The following CPLANE1 variants were observed in gnomAD, a reference collection of about 807,000 sequenced individuals.
The protein encoded by CPLANE1 is ciliogenesis and planar polarity effector complex subunit 1.
A neutral mutation model predicts 362.5 loss-of-function variants in CPLANE1; 263 were observed. That is an observed-to-expected ratio of 0.73 (90% CI 0.66 to 0.80). The LOEUF (loss-of-function observed/expected upper bound fraction) is 0.80. CPLANE1 is among the 30% of genes least tolerant of loss of function. CPLANE1 has a pLI of 0.00. For synonymous variants in CPLANE1, 1,212 were observed against 1,302.6 expected, an observed-to-expected ratio of 0.93 and a Z score of 1.50; for missense variants, 3,461 against 3,793.4, an observed-to-expected ratio of 0.91 and a Z score of 2.30.
intron 43 of CPLANE1, among the ~76,000 whole-genome samples, chr5:37,144,667 C>A (rs1770966840): frequency 6.7e-6 from 1 of 150,024 alleles, no homozygotes; most frequent in Non-Finnish European, 1.5e-5. Context: ...CTGGCTAACA[C>A]AGGGAAACCA....
intron 46 of CPLANE1, among the ~76,000 whole-genome samples, chr5:37,135,063 G>A (rs185421678): frequency 1.8e-4 from 27 of 152,276 alleles, no homozygotes; most frequent in African/African-American, 6.3e-4. Flanking sequence ...AAAGTGCTGG[G>A]ATTACAGATG....
intron 16 of CPLANE1, chr5:37,210,863 C>T (rs183280051): frequency 1.5e-4 from 122 of 814,268 alleles, no homozygotes; most frequent in Admixed American, 3.8e-4. Context: ...ATGAGGAGTT[C>T]GAAAGCCGCA....
intron 14 of CPLANE1, among the ~76,000 whole-genome samples, chr5:37,222,253 A>G (rs1421149589): frequency 6.6e-6 from 1 of 152,210 alleles, no homozygotes; most frequent in East Asian, 1.9e-4. Flanking sequence ...CATTGTATGC[A>G]ATTTCCAGAA....
chr5:37,243,447 G>A (rs1040828549), intron 5 of CPLANE1, among the ~76,000 whole-genome samples: 6 of 151,682 alleles, frequency 4.0e-5, no homozygotes, highest in African/African-American at 1.5e-4. Context: ...AGAGTGGGGA[G>A]AGGGGACAAT....
In CPLANE1 at chr5:37,148,180, C is replaced by A. The variant is rs1561405215; in HGVS notation, c.8461+1G>T. 1 of 1,611,288 alleles carries A rather than the reference C, an allele frequency of 6.2e-7. No homozygotes were observed. Among genetic ancestry groups the A allele is most frequent in the Non-Finnish European group, 8.5e-7 (1 of 1,178,144 alleles). On this transcript the variant is annotated splice_donor_variant, in intron 43 of 52. Transcript: ENST00000651892. LOFTEE classifies it high-confidence loss of function. ...GCCAGCCCCTATCAGCCCCTACAAA[C>A]CTTCTTCAGAAATGCTAATGGTTTT...
chr5:37,244,702 CAAAT>C (rs1738922043), intron 4 of CPLANE1, 95 bp from the exon 5 acceptor site: 1 of 762,134 alleles, frequency 1.3e-6, no homozygotes, highest in Non-Finnish European at 2.1e-6. Flanking sequence ...AAAAAAAAAA[CAAAT>C]AATGTTACCA....
At chr5:37,128,741 C>T (rs1764931678) in intron 46 of CPLANE1, among the ~76,000 whole-genome samples, 1 of 151,946 alleles carries the variant, frequency 6.6e-6, no homozygotes, top group Admixed American at 6.6e-5. Flanking sequence ...GACCTGTAAT[C>T]CCAGCTACTA....
chr5:37,102,701 C>T (rs1757351727), downstream of CPLANE1, among the ~76,000 whole-genome samples: 1 of 152,064 alleles, frequency 6.6e-6, no homozygotes, highest in Admixed American at 6.6e-5. Context: ...GTTCAATTTC[C>T]ATGTAGTTGT....
intron 6 of CPLANE1, among the ~76,000 whole-genome samples, chr5:37,242,143 C>T (rs1157729004): frequency 2.0e-5 from 3 of 151,890 alleles, no homozygotes; most frequent in African/African-American, 7.3e-5. Context: ...ATCACAAGGT[C>T]AGTAGTTCAA....
chr5:37,170,183 T>C lies in CPLANE1; in HGVS notation c.6320A>G (p.Glu2107Gly). The change falls in exon 33 of 53, where the codon GAA (glutamate) becomes GGA (glycine). Residue 2107 changes from glutamate (E) to glycine (G), a missense_variant. This residue lies in a region of CPLANE1 where 3,380 missense variants were observed against 3,666.1 expected (regional missense o/e 0.92). Transcript: ENST00000651892. ...CTCCTTAAGATTTTTGTTGCTGTCTTCAACATCACCACATCCTCTTAGGTT... is the reference window on the plus strand; with the variant it reads ...CTCCTTAAGATTTTTGTTGCTGTCTCCAACATCACCACATCCTCTTAGGTT... Reference protein sequence around the residue: ...ESNLRGCGDVEDSNKNLKERF... With the variant: ...ESNLRGCGDVGDSNKNLKERF... The C allele has an allele frequency of 6.2e-7, 1 of 1,614,178 alleles. No homozygotes were observed. Among genetic ancestry groups the C allele is most frequent in the Non-Finnish European group, 8.5e-7 (1 of 1,180,034 alleles).
Position 37,177,661 on chromosome 5 carries a change from G to A in CPLANE1, c.5860C>T (p.Leu1954=). Residue 1954 remains leucine, a synonymous_variant, in exon 30 of 53, where the codon CTG becomes TTG. Transcript: ENST00000651892. ...EEVQCQREEP[L]ETIMEEKSTE... Reference sequence around the variant, plus strand: ...GATTTTTCCTCCATAATTGTCTCCAGTGGTTCTTCCCTTTGACACTGAACC... The same window carrying A: ...GATTTTTCCTCCATAATTGTCTCCAATGGTTCTTCCCTTTGACACTGAACC... The A allele has an allele frequency of 6.2e-7, 1 of 1,613,832 alleles. No homozygotes were observed. Among genetic ancestry groups the A allele is most frequent in the Non-Finnish European group, 8.5e-7 (1 of 1,179,850 alleles).
intron 32 of CPLANE1, among the ~76,000 whole-genome samples, chr5:37,171,786 A>G (rs868067431): frequency 1.2e-5 from 1 of 80,984 alleles, no homozygotes; most frequent in African/African-American, 4.6e-5. Flanking sequence ...CTCTCTCTCT[A>G]TCTATCTATT....
At chr5:37,231,327 C>A (rs1361634011) in intron 8 of CPLANE1, among the ~76,000 whole-genome samples, 1 of 152,166 alleles carries the variant, frequency 6.6e-6, no homozygotes, top group African/African-American at 2.4e-5. Context: ...AGCCTGTAAT[C>A]CCAGCACTTT....
chr5:37,125,405 G>A lies in CPLANE1; in HGVS notation c.8797C>T (p.Gln2933Ter), dbSNP rs760841610. 6.2e-7 allele frequency: 1 copy of A among 1,611,438 alleles called. No individual in the cohort carries two copies. Among genetic ancestry groups the A allele is most frequent in the South Asian group, 1.1e-5 (1 of 90,596 alleles). ...TEQAMGTSRI[Q>*]HYSGRHSQRT... Reference sequence around the variant, plus strand: ...TGTGAATGTCTGCCAGAATAATGCTGAATTCTGAGAAATTTAACAAGCAAG... The same window carrying A: ...TGTGAATGTCTGCCAGAATAATGCTAAATTCTGAGAAATTTAACAAGCAAG... The change falls in exon 47 of 53, where the codon CAG becomes TAG. Residue 2933 changes from glutamine (Q) to a stop codon, truncating the protein, a stop_gained. Transcript: ENST00000651892. LOFTEE classifies it high-confidence loss of function.
Position 37,156,843 on chromosome 5 carries a change from A to G in CPLANE1, c.8119+470T>C, listed in dbSNP as rs563659967. ...AAACTACCTATTGGGTACTATGCTC[A>G]TTACCTGGGTGATGCGTCCAATCAT... On this transcript the variant is annotated intron_variant, in intron 41 of 52. Transcript: ENST00000651892. Among the ~76,000 whole-genome samples the G allele has an allele frequency of 7.2e-5, 11 of 152,300 alleles. No homozygotes were observed. The South Asian group carries it at 2.1e-3, about 29-fold the overall frequency.
In CPLANE1 at chr5:37,245,614, A is replaced by G; in HGVS notation, c.218-16T>C. 1 of 1,506,408 alleles carries G rather than the reference A, an allele frequency of 6.6e-7. No homozygotes were observed. The highest frequency in any genetic ancestry group is 1.4e-5 in the African/African-American group (1 of 71,060). The allele number at this position is 1,506,408 out of a possible 1,614,324, so 93.3% of individuals were successfully genotyped here. Reference sequence around the variant, plus strand: ...AGCCAGGCATCTGTTTCCAAAAATGAAATGCAATACTTACAATCTAGTATT... The same window carrying G: ...AGCCAGGCATCTGTTTCCAAAAATGGAATGCAATACTTACAATCTAGTATT... On this transcript the variant is annotated splice_polypyrimidine_tract_variant and intron_variant, in intron 3 of 52. Transcript: ENST00000651892.
downstream of CPLANE1, among the ~76,000 whole-genome samples, chr5:37,103,274 ATG>A (rs1490165201): frequency 1.3e-5 from 2 of 152,020 alleles, no homozygotes; most frequent in Non-Finnish European, 2.9e-5. Flanking sequence ...TGGATGTGAG[ATG>A]TGTCTCTTGA....
chr5:37,109,642 C>G (rs1015368417), intron 51 of CPLANE1, among the ~76,000 whole-genome samples: 8 of 152,120 alleles, frequency 5.3e-5, no homozygotes, highest in African/African-American at 1.9e-4. Context: ...AGGAAATGCT[C>G]AGGTTAAAAT....
intron 14 of CPLANE1, among the ~76,000 whole-genome samples, chr5:37,222,933 A>G (rs1795668666): frequency 6.6e-6 from 1 of 152,202 alleles, no homozygotes; most frequent in African/African-American, 2.4e-5. Flanking sequence ...ACTGTACCAA[A>G]GTGATCTTTC....
Sources: allele counts gnomAD v4.1 joint callset (sites outside exome capture counted in the v4.1 genomes callset), GRCh38; gene constraint gnomAD v4.1.1; regional missense constraint gnomAD v4.1.1; transcripts MANE v1.5; gene names NCBI Gene and HGNC (gene_info 2026-07-23, HGNC 2026-07-21).